The following CDKAL1 variants were observed in gnomAD, a reference collection of about 807,000 sequenced individuals.
CDKAL1 encodes the protein threonylcarbamoyladenosine tRNA methylthiotransferase.
A neutral mutation model predicts 68.2 loss-of-function variants in CDKAL1; 32 were observed. That is an observed-to-expected ratio of 0.47 (90% CI 0.35 to 0.63). The LOEUF is 0.63. CDKAL1 is among the 30% of genes least tolerant of loss of function. CDKAL1 has a pLI of 0.00. For missense variants in CDKAL1, 606 were observed against 696.7 expected (o/e 0.87, Z 1.47); for synonymous variants, 234 against 244.3 (o/e 0.96, Z 0.39).
intron 9 of CDKAL1, among the ~76,000 whole-genome samples, chr6:20,909,130 T>C (rs1762351314): frequency 1.3e-5 from 2 of 152,036 alleles, no homozygotes; most frequent in Admixed American, 1.3e-4. Flanking sequence ...AATGTGTGTA[T>C]GTGTGGTTTA....
chr6:20,615,979 A>T (rs1766877004), intron 4 of CDKAL1, among the ~76,000 whole-genome samples: 1 of 150,562 alleles, frequency 6.6e-6, no homozygotes. Context: ...GAAGGGATCC[A>T]GTTTCAGCTT....
intron 4 of CDKAL1, among the ~76,000 whole-genome samples, chr6:20,642,976 A>G (rs1463016394): frequency 6.6e-6 from 1 of 152,190 alleles, no homozygotes; most frequent in East Asian, 1.9e-4. Context: ...TGAAATCTAG[A>G]TTCCATCTGT....
At chr6:20,568,622 C>A (rs955556789) in intron 4 of CDKAL1, among the ~76,000 whole-genome samples, 4 of 151,392 alleles carry the variant, frequency 2.6e-5, no homozygotes, top group Non-Finnish European at 5.9e-5. Flanking sequence ...GTAGTCCCAG[C>A]TGCTTGGAAG....
intron 13 of CDKAL1, among the ~76,000 whole-genome samples, chr6:21,118,179 G>A (rs1481355128): frequency 6.6e-6 from 1 of 152,186 alleles, no homozygotes; most frequent in Non-Finnish European, 1.5e-5. Flanking sequence ...TGACTTCTTT[G>A]TAGCTGAAGT....
At chr6:20,749,040 A>G (rs1773800574) in intron 6 of CDKAL1, among the ~76,000 whole-genome samples, 1 of 150,716 alleles carries the variant, frequency 6.6e-6, no homozygotes, top group Non-Finnish European at 1.5e-5. Context: ...TACTCCTGAA[A>G]GGATTTGAGG....
intron 4 of CDKAL1, among the ~76,000 whole-genome samples, chr6:20,648,221 C>T (rs368727043): frequency 6.6e-4 from 100 of 150,904 alleles, no homozygotes; most frequent in African/African-American, 2.3e-3. Flanking sequence ...CTCTGCCTCC[C>T]GGGTTCAAGC....
intron 5 of CDKAL1, among the ~76,000 whole-genome samples, chr6:20,720,768 A>G (rs1242036480): frequency 6.6e-6 from 1 of 152,106 alleles, no homozygotes; most frequent in Non-Finnish European, 1.5e-5. Flanking sequence ...CCAAAGTGCT[A>G]GATTTCAGGC....
At chr6:20,869,738 G>T (rs1760101661) in intron 9 of CDKAL1, among the ~76,000 whole-genome samples, 1 of 152,022 alleles carries the variant, frequency 6.6e-6, no homozygotes, top group South Asian at 2.1e-4. Flanking sequence ...ATATTAGTAG[G>T]TCATATATGG....
At chr6:20,632,901 G>A (rs1044148811) in intron 4 of CDKAL1, among the ~76,000 whole-genome samples, 6 of 152,156 alleles carry the variant, frequency 3.9e-5, no homozygotes, top group Admixed American at 3.9e-4. Context: ...CTTCCTGGGG[G>A]AGGTGACGTG....
At chr6:20,612,210 C>G (rs959451450) in intron 4 of CDKAL1, among the ~76,000 whole-genome samples, 1 of 152,156 alleles carries the variant, frequency 6.6e-6, no homozygotes, top group Non-Finnish European at 1.5e-5. Flanking sequence ...CTGCAGTGAA[C>G]ATGGAAGTGC....
At chr6:20,702,019 T>C (rs899138198) in intron 5 of CDKAL1, among the ~76,000 whole-genome samples, 1 of 152,192 alleles carries the variant, frequency 6.6e-6, no homozygotes, top group South Asian at 2.1e-4. Context: ...AGCGGAAAGA[T>C]GCCAGGGATT....
chr6:20,608,084 A>G (rs1280738931), intron 4 of CDKAL1, among the ~76,000 whole-genome samples: 1 of 152,222 alleles, frequency 6.6e-6, no homozygotes, highest in African/African-American at 2.4e-5. Flanking sequence ...ACATATGCAT[A>G]GTAAACTCTA....
At chr6:20,958,698 G>T (rs192486270) in intron 10 of CDKAL1, among the ~76,000 whole-genome samples, 1 of 152,312 alleles carries the variant, frequency 6.6e-6, no homozygotes, top group Non-Finnish European at 1.5e-5. Context: ...TAACTACCCT[G>T]ATGCTTTAAA....
intron 6 of CDKAL1, among the ~76,000 whole-genome samples, chr6:20,754,032 T>G (rs575557846): frequency 2.0e-4 from 30 of 151,804 alleles, no homozygotes; most frequent in African/African-American, 7.0e-4. Flanking sequence ...TACGCTGGAG[T>G]CCAGTGGTGT....
At chr6:20,545,554 A>G (rs1244756621) in intron 2 of CDKAL1, among the ~76,000 whole-genome samples, 1 of 152,034 alleles carries the variant, frequency 6.6e-6, no homozygotes, top group Non-Finnish European at 1.5e-5. Context: ...CTCCTTCCTC[A>G]GCCTCCCAAG....
chr6:20,770,756 TA>T (rs1339193664), intron 7 of CDKAL1, among the ~76,000 whole-genome samples: 1 of 152,198 alleles, frequency 6.6e-6, no homozygotes, highest in African/African-American at 2.4e-5. Flanking sequence ...GAAATCCAGT[TA>T]AAGTGATAGG....
intron 4 of CDKAL1, among the ~76,000 whole-genome samples, chr6:20,573,808 G>T (rs998082831): frequency 6.6e-6 from 1 of 152,134 alleles, no homozygotes; most frequent in African/African-American, 2.4e-5. Context: ...ATTGAATAAG[G>T]ATGCCGTACA....
Position 20,748,554 on chromosome 6 carries a change from GGAAAAAAAAAAAAA to G in CDKAL1, c.468+8940_468+8953del, listed in dbSNP as rs1449037876. On this transcript the variant is annotated intron_variant, in intron 6 of 15. Coordinates refer to ENST00000274695, the MANE Select transcript of CDKAL1 (RefSeq NM_017774.3). ...GGAAAGAGAGCAAGACTCTGTTTCT[GGAAAAAAAAAAAAA>G]AAAAAAAAAAAAAAAAAAAAAAAAA... Among the ~76,000 whole-genome samples, 42 of 77,086 alleles carry G rather than the reference GGAAAAAAAAAAAAA, an allele frequency of 5.4e-4. 3 individuals are homozygous for G. The highest frequency in any genetic ancestry group is 1.9e-3 in the African/African-American group (40 of 21,014). 50.6% of individuals were successfully genotyped at this position (77,086 alleles called of 152,430 possible).
chr6:20,991,265 G>C (rs1766778400), intron 10 of CDKAL1, among the ~76,000 whole-genome samples: 1 of 152,194 alleles, frequency 6.6e-6, no homozygotes, highest in African/African-American at 2.4e-5. Flanking sequence ...TGAGAGGCTT[G>C]AGGAGCAGTT....
Sources: allele counts gnomAD v4.1 joint callset (sites outside exome capture counted in the v4.1 genomes callset), GRCh38; gene constraint gnomAD v4.1.1; transcripts MANE v1.5; gene names NCBI Gene and HGNC (gene_info 2026-07-23, HGNC 2026-07-21).